The following DYNLT2B variants were observed in gnomAD, a reference collection of about 807,000 sequenced individuals.
DYNLT2B encodes dynein light chain Tctex-type 2B.
A neutral mutation model predicts 19.5 loss-of-function variants in DYNLT2B; 14 were observed. The observed-to-expected ratio is 0.72, with a 90% CI of 0.47 to 1.12. The LOEUF is 1.12. Ranked by LOEUF, DYNLT2B falls within the 50% of genes most tolerant of loss-of-function variation. The pLI, the probability that DYNLT2B is intolerant of heterozygous loss-of-function variation, is 0.00. For synonymous variants in DYNLT2B, 70 were observed against 59.7 expected (o/e 1.17, Z -0.79); for missense variants, 133 against 174.7 (o/e 0.76, Z 1.35).
intron 3 of DYNLT2B, 67 bp downstream of exon 3, chr3:196,306,876 T>C: frequency 1.4e-6 from 2 of 1,440,402 alleles, no homozygotes; most frequent in African/African-American, 1.4e-5. Context: ...TACTGAATTG[T>C]CCAAAGGACA....
At chr3:196,302,797 A>C (rs1362394875) in intron 3 of DYNLT2B, among the ~76,000 whole-genome samples, 1 of 151,948 alleles carries the variant, frequency 6.6e-6, no homozygotes, top group Non-Finnish European at 1.5e-5. Context: ...AAGAGATCCA[A>C]CCTAACCGAC....
chr3:196,312,123 G>A (rs1437320217), intron 2 of DYNLT2B, among the ~76,000 whole-genome samples: 4 of 152,182 alleles, frequency 2.6e-5, no homozygotes, highest in South Asian at 4.1e-4. Context: ...CAAGTGATCC[G>A]CCCGCCTCGG....
At chr3:196,300,052 A>C (rs1726313245) in intron 3 of DYNLT2B, among the ~76,000 whole-genome samples, 1 of 152,178 alleles carries the variant, frequency 6.6e-6, no homozygotes, top group African/African-American at 2.4e-5. Flanking sequence ...GCTGGCTTTG[A>C]AATTGGAGGA....
intron 4 of DYNLT2B, among the ~76,000 whole-genome samples, chr3:196,294,798 C>T (rs1439656613): frequency 6.6e-6 from 1 of 152,168 alleles, no homozygotes; most frequent in South Asian, 2.1e-4. Flanking sequence ...TGCAGTGGTG[C>T]GATCTCAGCT....
chr3:196,302,133 GCA>G (rs1448655422), intron 3 of DYNLT2B, among the ~76,000 whole-genome samples: 6 of 151,986 alleles, frequency 3.9e-5, no homozygotes, highest in African/African-American at 1.5e-4. Context: ...ATAAACTGAA[GCA>G]CAGAGAGGAA....
chr3:196,309,390 C>T (rs1223247755), intron 2 of DYNLT2B, among the ~76,000 whole-genome samples: 4 of 152,134 alleles, frequency 2.6e-5, no homozygotes, highest in African/African-American at 7.2e-5. Flanking sequence ...CTCAGACTCC[C>T]GAGTAGCTGG....
chr3:196,303,051 G>A (rs1208716229), intron 3 of DYNLT2B, among the ~76,000 whole-genome samples: 2 of 152,230 alleles, frequency 1.3e-5, no homozygotes, highest in East Asian at 1.9e-4. Flanking sequence ...TAAGATCAGC[G>A]CTTGAGATAT....
intron 2 of DYNLT2B, among the ~76,000 whole-genome samples, chr3:196,313,113 G>C (rs1287159239): frequency 2.0e-5 from 3 of 152,048 alleles, no homozygotes; most frequent in Non-Finnish European, 4.4e-5. Flanking sequence ...CATGACTATG[G>C]GAAACAGGTC....
intron 2 of DYNLT2B, among the ~76,000 whole-genome samples, chr3:196,311,645 G>A (rs369869953): frequency 6.6e-6 from 1 of 150,812 alleles, no homozygotes; most frequent in Non-Finnish European, 1.5e-5. Flanking sequence ...GAGCATAAAG[G>A]TGAAGATGAG....
At chr3:196,310,928 G>T (rs113314116) in intron 2 of DYNLT2B, among the ~76,000 whole-genome samples, 33,969 of 151,614 alleles carry the variant, frequency 0.22, 3,870 homozygotes, top group Middle Eastern at 0.28. Flanking sequence ...TAGAGACGAG[G>T]TTTCACCATG....
At position 196,316,237 on chromosome 3, in the gene DYNLT2B, T is replaced by C. The variant is rs1203743149; in HGVS notation, c.114-6A>G. On this transcript the variant is annotated splice_region_variant and splice_polypyrimidine_tract_variant and intron_variant, in intron 1 of 4. Transcript: ENST00000325318. ...TAACCACAGAGGGCCTGAACCTGAA[T>C]GGAACAATTTGTGAACATCCAGTCG... 1 of 1,600,740 alleles carries C rather than the reference T, an allele frequency of 6.2e-7. No individual in the cohort carries two copies. Among genetic ancestry groups the C allele is most frequent in the Admixed American group, 1.7e-5 (1 of 58,316 alleles).
chr3:196,308,847 C>T (rs139556201), intron 2 of DYNLT2B, among the ~76,000 whole-genome samples: 1 of 152,156 alleles, frequency 6.6e-6, no homozygotes, highest in South Asian at 2.1e-4. Flanking sequence ...TAGAATAATA[C>T]TCAGCCCTTA....
intron 3 of DYNLT2B, among the ~76,000 whole-genome samples, chr3:196,299,296 G>A (rs1726292978): frequency 6.6e-6 from 1 of 151,856 alleles, no homozygotes; most frequent in African/African-American, 2.4e-5. Context: ...TGTTGGGCAG[G>A]CTGGTCTCGA....
At chr3:196,317,711 C>A (rs999616188) in intron 1 of DYNLT2B, among the ~76,000 whole-genome samples, 1 of 152,192 alleles carries the variant, frequency 6.6e-6, no homozygotes, top group Non-Finnish European at 1.5e-5. Context: ...GCATCCGACG[C>A]GAGTGGCTTC....
chr3:196,302,576 G>A (rs1427560480), intron 3 of DYNLT2B, among the ~76,000 whole-genome samples: 2 of 152,142 alleles, frequency 1.3e-5, no homozygotes, highest in Non-Finnish European at 2.9e-5. Flanking sequence ...TGAAATAAAT[G>A]ACAGAATACA....
chr3:196,307,963 C>G (rs986760831), intron 2 of DYNLT2B, among the ~76,000 whole-genome samples: 38 of 151,432 alleles, frequency 2.5e-4, no homozygotes, highest in Admixed American at 1.4e-3. Flanking sequence ...TCCCTGTAAC[C>G]CCAGCTACTC....
intron 2 of DYNLT2B, among the ~76,000 whole-genome samples, chr3:196,310,735 TTTTG>T (rs1726617486): frequency 6.7e-6 from 1 of 149,860 alleles, no homozygotes; most frequent in Non-Finnish European, 1.5e-5. Context: ...GCCTGTTTTG[TTTTG>T]TTTTTGTTTT....
chr3:196,307,139 T>G, intron 2 of DYNLT2B, 127 bp from the exon 3 acceptor site: 1 of 760,774 alleles, frequency 1.3e-6, no homozygotes. Context: ...GTGGTAAGCT[T>G]GGGGGTCAGG....
intron 3 of DYNLT2B, among the ~76,000 whole-genome samples, chr3:196,299,408 A>G (rs1726295792): frequency 6.6e-6 from 1 of 151,732 alleles, no homozygotes; most frequent in Non-Finnish European, 1.5e-5. Context: ...TTTTTGGTAG[A>G]GACGGGGTTT....
Sources: allele counts gnomAD v4.1 joint callset (sites outside exome capture counted in the v4.1 genomes callset), GRCh38; gene constraint gnomAD v4.1.1; transcripts MANE v1.5; gene names NCBI Gene and HGNC (gene_info 2026-07-23, HGNC 2026-07-21).